Variants in TENM3 observed in about 807,000 individuals in gnomAD.
The protein encoded by TENM3 is teneurin-3.
In TENM3, 63 loss-of-function variants were observed where a neutral mutation model predicts 255.1. That is an observed-to-expected ratio of 0.25 (90% CI 0.20 to 0.30). TENM3 has a LOEUF of 0.30. TENM3 is among the 10% of genes least tolerant of loss of function. The probability of loss-of-function intolerance (pLI) is 1.00; values close to 1 mark genes in which losing one functional copy is unlikely to be tolerated. For missense variants in TENM3, 2,929 were observed against 3,461.1 expected (o/e 0.85, Z 3.86); for synonymous variants, 1,306 against 1,322.3 (o/e 0.99, Z 0.27).
At chr4:182,641,256 G>T (rs569280364) in intron 5 of TENM3, among the ~76,000 whole-genome samples, 1 of 152,154 alleles carries the variant, frequency 6.6e-6, no homozygotes, top group Non-Finnish European at 1.5e-5. Context: ...CAAATGTAAC[G>T]CCTTGGAGAA....
chr4:182,267,631 T>A (rs933868437), intron 1 of TENM3, among the ~76,000 whole-genome samples: 1 of 151,914 alleles, frequency 6.6e-6, no homozygotes, highest in East Asian at 1.9e-4. Context: ...GATATTGGAG[T>A]GTGCAAACCC....
chr4:182,173,301 G>A (rs886989086), intron 1 of TENM3, among the ~76,000 whole-genome samples: 1 of 152,180 alleles, frequency 6.6e-6, no homozygotes, highest in East Asian at 1.9e-4. Context: ...AGATGACAAT[G>A]CAATGTCAGA....
the TENM3 span, among the ~76,000 whole-genome samples, chr4:181,848,106 A>G: frequency 6.6e-6 from 1 of 152,224 alleles, no homozygotes; most frequent in Admixed American, 6.5e-5. Context: ...TAGTGCCAAC[A>G]GACAAATCAA....
the TENM3 span, among the ~76,000 whole-genome samples, chr4:181,974,481 T>C: frequency 6.6e-6 from 1 of 152,060 alleles, no homozygotes; most frequent in East Asian, 1.9e-4. Context: ...GGCAGGAGAA[T>C]CGCTTGAACC....
chr4:182,578,161 G>C (rs1376270534), intron 3 of TENM3, among the ~76,000 whole-genome samples: 2 of 152,032 alleles, frequency 1.3e-5, no homozygotes, highest in African/African-American at 4.8e-5. Context: ...ATTTTTAGTA[G>C]AGACGGGGTT....
chr4:181,896,302 A>G, the TENM3 span, among the ~76,000 whole-genome samples: 11 of 152,150 alleles, frequency 7.2e-5, no homozygotes, highest in Non-Finnish European at 1.3e-4. Context: ...TAAGTCAATT[A>G]ATCCTTCTAG....
chr4:181,798,620 G>T, the TENM3 span, among the ~76,000 whole-genome samples: 2 of 152,136 alleles, frequency 1.3e-5, no homozygotes. Flanking sequence ...ACCAATGCAG[G>T]CTGGTGTAAC....
the TENM3 span, among the ~76,000 whole-genome samples, chr4:181,706,783 T>C: frequency 1.6e-3 from 248 of 152,260 alleles, no homozygotes; most frequent in Admixed American, 3.1e-3. Flanking sequence ...CAAGAAGTAA[T>C]AGGGGAGAAA....
At chr4:181,533,064 C>G in the TENM3 span, among the ~76,000 whole-genome samples, 2 of 152,124 alleles carry the variant, frequency 1.3e-5, no homozygotes, top group African/African-American at 4.8e-5. Flanking sequence ...TTGGGGAAAG[C>G]ACTGAGACTA....
chr4:182,568,154 A>C, intron 3 of TENM3, among the ~76,000 whole-genome samples: 1 of 152,324 alleles, frequency 6.6e-6, no homozygotes, highest in Middle Eastern at 3.4e-3. Context: ...CCTACCTTCA[A>C]GCTGTACTGC....
At chr4:182,268,223 A>G (rs1246687905) in intron 1 of TENM3, among the ~76,000 whole-genome samples, 1 of 152,218 alleles carries the variant, frequency 6.6e-6, no homozygotes, top group Non-Finnish European at 1.5e-5. Context: ...GGACAAGCTT[A>G]CTGAATGTTT....
intron 3 of TENM3, among the ~76,000 whole-genome samples, chr4:182,505,232 A>G (rs1288809590): frequency 6.6e-6 from 1 of 152,118 alleles, no homozygotes; most frequent in African/African-American, 2.4e-5. Flanking sequence ...TATATACCCT[A>G]GCATTTTTTT....
intron 2 of TENM3, among the ~76,000 whole-genome samples, chr4:182,329,673 C>T (rs919281533): frequency 6.6e-6 from 1 of 151,796 alleles, no homozygotes; most frequent in Admixed American, 6.6e-5. Context: ...TGCAGAAATC[C>T]CAGAATGATA....
chr4:182,609,216 C>G (rs1748747844), intron 4 of TENM3, among the ~76,000 whole-genome samples: 1 of 152,196 alleles, frequency 6.6e-6, no homozygotes, highest in African/African-American at 2.4e-5. Context: ...ACCTGGGCCT[C>G]CCAAAGTGCT....
chr4:182,644,641 G>A (rs958366984), intron 5 of TENM3, among the ~76,000 whole-genome samples: 1 of 152,056 alleles, frequency 6.6e-6, no homozygotes, highest in Admixed American at 6.6e-5. Context: ...AAATTTTACT[G>A]ATAAATCTTT....
the TENM3 span, among the ~76,000 whole-genome samples, chr4:181,638,432 T>C: frequency 6.6e-6 from 1 of 152,228 alleles, no homozygotes; most frequent in Admixed American, 6.5e-5. Flanking sequence ...ACCCAGTATT[T>C]CTTTTAAGAA....
chr4:182,503,412 G>A (rs1736509328), intron 3 of TENM3, among the ~76,000 whole-genome samples: 1 of 152,050 alleles, frequency 6.6e-6, no homozygotes, highest in South Asian at 2.1e-4. Flanking sequence ...AGTTTTGCTG[G>A]CCCCTTGCTT....
chr4:182,465,691 T>TA (rs1732519353), intron 3 of TENM3, among the ~76,000 whole-genome samples: 1 of 152,212 alleles, frequency 6.6e-6, no homozygotes, highest in Admixed American at 6.5e-5. Flanking sequence ...AAGTATTTAC[T>TA]GAGTACCTAC....
the TENM3 span, among the ~76,000 whole-genome samples, chr4:181,639,439 G>A: frequency 9.9e-5 from 15 of 152,228 alleles, no homozygotes; most frequent in East Asian, 3.9e-4. Context: ...GACAGGGTCC[G>A]GTTAATATCC....
Sources: allele counts gnomAD v4.1 joint callset (sites outside exome capture counted in the v4.1 genomes callset), GRCh38; gene constraint gnomAD v4.1.1; transcripts MANE v1.5; gene names NCBI Gene and HGNC (gene_info 2026-07-23, HGNC 2026-07-21).